WDR11: variants seen among roughly 807,000 people sequenced by gnomAD.
The protein encoded by WDR11 is WD repeat domain 11.
In WDR11, 83 loss-of-function variants were observed where a neutral mutation model predicts 151.2. The ratio of observed to expected loss-of-function variants is 0.55; its 90% CI spans 0.46 to 0.66. The LOEUF is 0.66. Ranked by LOEUF, WDR11 falls within the 30% of genes least tolerant of loss-of-function variation. The pLI, the probability that WDR11 is intolerant of heterozygous loss-of-function variation, is 0.00. For missense variants in WDR11, 1,301 were observed against 1,480.9 expected (o/e 0.88, Z 1.99); for synonymous variants, 484 against 533.1 (o/e 0.91, Z 1.27).
At position 120,858,709 on chromosome 10, in the gene WDR11, G is replaced by A; in HGVS notation, c.265G>A (p.Ala89Thr). Residue 89 changes from alanine (A) to threonine (T), a missense_variant, in exon 3 of 29, where the codon GCT becomes ACT. By Grantham distance (58) the Ala-to-Thr change is moderately conservative (BLOSUM62 0). This residue lies in a region of WDR11 where 692 missense variants were observed against 762.5 expected (regional missense o/e 0.91). Transcript: ENST00000263461. ...GSPYCLRLAS[A>T]DVNGKIIVWD... ...ACCATATTGCTTACGGTTAGCTTCT[G>A]CTGATGTCAATGGGAAGATCATCGT... is the stretch of plus-strand genomic sequence containing the variant. 6.2e-7 allele frequency: 1 copy of A among 1,614,214 alleles called. No homozygotes were observed. Among genetic ancestry groups the A allele is most frequent in the South Asian group, 1.1e-5 (1 of 91,084 alleles).
At chr10:120,902,405 T>A in intron 22 of WDR11, 83 bp downstream of exon 22, 1 of 1,182,238 alleles carries the variant, frequency 8.5e-7, no homozygotes, top group Non-Finnish European at 1.2e-6. Flanking sequence ...TTAGAAACAC[T>A]TAGATTTTAG....
chr10:120,899,745 C>T lies in WDR11; in HGVS notation c.2516-284C>T, dbSNP rs376535108. Reference sequence around the variant, plus strand: ...TTGCTGTGAGCCGAGATCGCACCACCGCACTCCAGCCTAGGTGACAGAGCG... The same window carrying T: ...TTGCTGTGAGCCGAGATCGCACCACTGCACTCCAGCCTAGGTGACAGAGCG... On this transcript the variant is annotated intron_variant, in intron 19 of 28. Coordinates refer to ENST00000263461, the MANE Select transcript of WDR11 (RefSeq NM_018117.12). The T allele has an allele frequency of 6.0e-4, 236 of 393,526 alleles. 1 individual carries two copies. The highest frequency in any genetic ancestry group is 8.7e-4 in the South Asian group (33 of 37,750). The allele number at this position is 393,526 out of a possible 1,614,324, so 24.4% of individuals were successfully genotyped here.
At chr10:120,851,840 G>T in intron 1 of WDR11, 1 of 441,752 alleles carries the variant, frequency 2.3e-6, no homozygotes, top group East Asian at 4.6e-5. Flanking sequence ...TTAATTCCCT[G>T]TGCACTTTCT....
In WDR11 at chr10:120,852,540, A is replaced by G; in HGVS notation, c.103A>G (p.Ile35Val). 6.2e-7 allele frequency: 1 copy of G among 1,614,030 alleles called. No individual in the cohort carries two copies. Among genetic ancestry groups the G allele is most frequent in the East Asian group, 2.2e-5 (1 of 44,830 alleles). The change falls in exon 2 of 29, where the codon ATT becomes GTT. Residue 35 changes from isoleucine to valine, a missense_variant. Around this residue, in one of 3 missense-constraint regions of WDR11, gnomAD observed 692 missense variants for 762.5 expected, o/e 0.91. Coordinates refer to ENST00000263461, the MANE Select transcript of WDR11 (RefSeq NM_018117.12). Reference sequence around the variant, plus strand: ...TTTTGCTAGGGGCTGGCAAGGTTTAATTGCTTATGGATGTCATTCACTTGT... The same window carrying G: ...TTTTGCTAGGGGCTGGCAAGGTTTAGTTGCTTATGGATGTCATTCACTTGT... ...AAVDWGWQGLIAYGCHSLVVV... is the reference protein window; with the variant it reads ...AAVDWGWQGLVAYGCHSLVVV...
At chr10:120,874,176 GT>G (rs66873217) in intron 11 of WDR11, among the ~76,000 whole-genome samples, 4,265 of 83,506 alleles carry the variant, frequency 0.051, 216 homozygotes, top group African/African-American at 0.14. Context: ...GGTTTTTGCA[GT>G]TTTTTTTTTT....
At chr10:120,881,640 G>A (rs1433971805) in intron 13 of WDR11, among the ~76,000 whole-genome samples, 1 of 151,996 alleles carries the variant, frequency 6.6e-6, no homozygotes, top group African/African-American at 2.4e-5. Context: ...TTTTATAAAT[G>A]ACATTTTTAA....
At chr10:120,901,285 G>A (rs1331122933) in intron 21 of WDR11, among the ~76,000 whole-genome samples, 187 bp downstream of exon 21, 1 of 152,200 alleles carries the variant, frequency 6.6e-6, no homozygotes, top group Non-Finnish European at 1.5e-5. Flanking sequence ...TACTTATTCA[G>A]TAGTTACAGT....
At chr10:120,866,013 ATTT>A (rs765369808) in intron 7 of WDR11, among the ~76,000 whole-genome samples, 1 of 144,316 alleles carries the variant, frequency 6.9e-6, no homozygotes, top group Non-Finnish European at 1.5e-5. Flanking sequence ...ATTTTTTGGA[ATTT>A]TTTTTTTTTT....
At chr10:120,867,278 G>T (rs993236970) in intron 9 of WDR11, 109 bp downstream of exon 9, 7 of 792,814 alleles carry the variant, frequency 8.8e-6, no homozygotes, top group African/African-American at 8.6e-5. Flanking sequence ...TAATACTTGA[G>T]AAAACTAGAA....
chr10:120,871,020 T>A, intron 9 of WDR11, 150 bp from the exon 10 acceptor site: 1 of 775,508 alleles, frequency 1.3e-6, no homozygotes, highest in Non-Finnish European at 2.1e-6. Context: ...ACAGAGTCAT[T>A]GTGTCCTTAA....
intron 22 of WDR11, among the ~76,000 whole-genome samples, 189 bp from the exon 23 acceptor site, chr10:120,902,866 C>A (rs1280622037): frequency 6.6e-6 from 1 of 152,034 alleles, no homozygotes; most frequent in African/African-American, 2.4e-5. Flanking sequence ...CAGTCAGGCC[C>A]CCGTATTGTT....
At position 120,878,384 on chromosome 10, in the gene WDR11, C is replaced by T; in HGVS notation, c.1588C>T (p.Leu530Phe). ...TGAATGGACAAGTTTGACTAGTTTT[C>T]TTTCTTTTGCTACCTCAACACCAAA... ...GIEWTSLTSF[L>F]SFATSTPNNM... Residue 530 changes from leucine (L) to phenylalanine (F), a missense_variant, in exon 12 of 29, where the codon CTT (leucine) becomes TTT (phenylalanine). Transcript: ENST00000263461. The T allele has an allele frequency of 6.2e-7, 1 of 1,612,992 alleles. No individual in the cohort carries two copies. The highest frequency in any genetic ancestry group is 2.2e-5 in the East Asian group (1 of 44,720).
At chr10:120,894,183 A>G (rs1017644402) in intron 19 of WDR11, among the ~76,000 whole-genome samples, 2 of 152,076 alleles carry the variant, frequency 1.3e-5, no homozygotes, top group Middle Eastern at 3.4e-3. Context: ...ATCTTGAATG[A>G]ATTTTTGTAT....
chr10:120,866,519 G>A (rs759690143), intron 7 of WDR11, 50 bp from the exon 8 acceptor site: 1 of 1,600,294 alleles, frequency 6.2e-7, no homozygotes, highest in African/African-American at 1.3e-5. Flanking sequence ...ACAAACAGTA[G>A]TGGTATCGAT....
At chr10:120,900,614 C>T (rs1162579900) in intron 20 of WDR11, among the ~76,000 whole-genome samples, 2 of 152,144 alleles carry the variant, frequency 1.3e-5, no homozygotes, top group Non-Finnish European at 2.9e-5. Flanking sequence ...ATGTGCAGCA[C>T]GGATGGAGGA....
Position 120,889,097 on chromosome 10 carries a change from C to T in WDR11, c.2141C>T (p.Thr714Ile). 1 of 1,613,508 alleles carries T rather than the reference C, an allele frequency of 6.2e-7. No individual in the cohort carries two copies. Among genetic ancestry groups the T allele is most frequent in the Non-Finnish European group, 8.5e-7 (1 of 1,179,606 alleles). ...IPPDGSMGSI[T>I]CIAWKGDTLV... ...TTCTAGGGAAGTATGGGTAGTATTA[C>T]CTGCATCGCTTGGAAAGGTGATACA... is the stretch of plus-strand genomic sequence containing the variant. Residue 714 changes from threonine to isoleucine, a missense_variant, in exon 17 of 29, where the codon ACC (threonine) becomes ATC (isoleucine). Physicochemically the swap from Thr to Ile is moderately conservative, Grantham distance 89. Around this residue, in one of 3 missense-constraint regions of WDR11, gnomAD observed 589 missense variants for 670.6 expected, o/e 0.88. Coordinates refer to ENST00000263461, the MANE Select transcript of WDR11 (RefSeq NM_018117.12).
chr10:120,885,669 A>C, intron 14 of WDR11, 145 bp from the exon 15 acceptor site: 1 of 1,042,802 alleles, frequency 9.6e-7, no homozygotes, highest in Non-Finnish European at 1.4e-6. Context: ...TTCTCTAAGT[A>C]GGTAAAATCT....
intron 20 of WDR11, among the ~76,000 whole-genome samples, chr10:120,900,401 G>C (rs1275915039): frequency 6.6e-6 from 1 of 152,138 alleles, no homozygotes; most frequent in African/African-American, 2.4e-5. Flanking sequence ...GATGTGTCGT[G>C]ATGATGAAAA....
At chr10:120,874,952 C>T (rs748871509) in intron 11 of WDR11, among the ~76,000 whole-genome samples, 4 of 152,018 alleles carry the variant, frequency 2.6e-5, no homozygotes, top group Non-Finnish European at 4.4e-5. Context: ...TCTCCTAATG[C>T]TCTCCCTCCC....
Sources: gnomAD v4.1 joint callset for allele counts (sites outside exome capture counted in the v4.1 genomes callset) on GRCh38, gnomAD v4.1.1 for gene constraint, gnomAD v4.1.1 regional missense constraint, MANE v1.5 for transcripts, NCBI Gene and HGNC (gene_info 2026-07-23, HGNC 2026-07-21) for gene names.